Variants in HFM1 observed in about 807,000 individuals in gnomAD.
HFM1 encodes the protein helicase for meiosis 1.
A neutral mutation model predicts 192.1 loss-of-function variants in HFM1; 169 were observed. The ratio of observed to expected loss-of-function variants is 0.88; its 90% confidence interval spans 0.78 to 1.00. The LOEUF (loss-of-function observed/expected upper bound fraction) is 1.00, where lower values mean the gene tolerates loss of function less well. Ranked by LOEUF, HFM1 falls within the 50% of genes least tolerant of loss-of-function variation. The pLI is 0.00. For missense variants in HFM1, 1,661 were observed against 1,668.0 expected, an observed-to-expected ratio of 1.00 and a Z score of 0.07; for synonymous variants, 525 against 537.8, an observed-to-expected ratio of 0.98 and a Z score of 0.33.
At chr1:91,286,653 G>C (rs546754302) in intron 30 of HFM1, among the ~76,000 whole-genome samples, 14 of 152,230 alleles carry the variant, frequency 9.2e-5, no homozygotes, top group African/African-American at 3.1e-4. Flanking sequence ...CACGACCGAG[G>C]AGCCAAGATG....
At chr1:91,271,066 G>T (rs1366249571) in intron 34 of HFM1, among the ~76,000 whole-genome samples, 1 of 151,990 alleles carries the variant, frequency 6.6e-6, no homozygotes, top group African/African-American at 2.4e-5. Context: ...CTGGATCCTA[G>T]TAAGGCCGTT....
intron 30 of HFM1, among the ~76,000 whole-genome samples, chr1:91,310,861 A>G (rs1650343717): frequency 1.3e-5 from 2 of 152,228 alleles, no homozygotes; most frequent in African/African-American, 4.8e-5. Flanking sequence ...TTTCCTTCCC[A>G]GTATCAGCTA....
intron 34 of HFM1, among the ~76,000 whole-genome samples, chr1:91,268,273 A>T (rs990676071): frequency 1.3e-5 from 2 of 151,966 alleles, no homozygotes; most frequent in Non-Finnish European, 2.9e-5. Flanking sequence ...TAGTTTCTAA[A>T]ATGGTCTTCC....
intron 2 of HFM1, among the ~76,000 whole-genome samples, chr1:91,397,199 G>C (rs547132809): frequency 6.6e-6 from 1 of 152,096 alleles, no homozygotes; most frequent in African/African-American, 2.4e-5. Context: ...AATATTCTTA[G>C]TCCAAACCAT....
At chr1:91,342,159 G>T (rs375395981) in intron 20 of HFM1, among the ~76,000 whole-genome samples, 29 of 98,556 alleles carry the variant, frequency 2.9e-4, no homozygotes, top group African/African-American at 8.4e-4. Flanking sequence ...AAATTCAGGC[G>T]AATATTCCTG....
At position 91,262,314 on chromosome 1, in the gene HFM1, G is replaced by T. The variant is rs1665240661; in HGVS notation, c.4165C>A (p.Pro1389Thr). 1 of 1,524,942 alleles carries T rather than the reference G, an allele frequency of 6.6e-7. No homozygotes were observed. Among genetic ancestry groups the T allele is most frequent in the East Asian group, 2.3e-5 (1 of 43,778 alleles). 94.5% of individuals were successfully genotyped at this position (1,524,942 alleles called of 1,614,324 possible). ...KQCFTFSEKN[P>T]NSSNYKKVDF... ...ACTTTTTTATAATTTGAAGAATTTG[G>T]GTTTTTTTCAGAGAAAGTAAAGCAT... is the stretch of plus-strand genomic sequence containing the variant. Residue 1389 changes from proline (P) to threonine (T), a missense_variant, in exon 38 of 39, where the codon CCA becomes ACA. Physicochemically the swap from Pro to Thr is conservative, Grantham distance 38 (BLOSUM62 -1). Transcript: ENST00000370425.
intron 36 of HFM1, among the ~76,000 whole-genome samples, chr1:91,264,740 T>C (rs1665585107): frequency 6.6e-6 from 1 of 152,044 alleles, no homozygotes; most frequent in South Asian, 2.1e-4. Context: ...TTGTTGGTAT[T>C]TCTTCTGTTT....
chr1:91,268,697 TAAC>T (rs1375318126), intron 34 of HFM1, among the ~76,000 whole-genome samples: 1 of 152,072 alleles, frequency 6.6e-6, no homozygotes, highest in African/African-American at 2.4e-5. Flanking sequence ...GTTTTACAAA[TAAC>T]AACATATATG....
At chr1:91,311,740 G>C (rs1335053669) in intron 30 of HFM1, among the ~76,000 whole-genome samples, 1 of 152,212 alleles carries the variant, frequency 6.6e-6, no homozygotes, top group East Asian at 1.9e-4. Flanking sequence ...GTAGCAAGAA[G>C]CCTAATGTTA....
In HFM1 at chr1:91,385,667, G is replaced by C; in HGVS notation, c.662C>G (p.Thr221Arg). The C allele has an allele frequency of 1.2e-6, 2 of 1,611,224 alleles. No homozygotes were observed. The highest frequency in any genetic ancestry group is 1.7e-4 in the Middle Eastern group (1 of 6,050). The change falls in exon 5 of 39, where the codon ACA (threonine) becomes AGA (arginine). Residue 221 changes from threonine (T) to arginine (R), a missense_variant. Thr to Arg is a moderately conservative substitution (Grantham distance 71). Transcript: ENST00000370425. The part of the protein sequence containing the change: ...QKFQYSANVF[T>R]ANNAFSASEI... ...AGAAGCAGAAAAAGCATTATTTGCT[G>C]TAAACACATTTGCAGAATACTGAAA...
intron 13 of HFM1, among the ~76,000 whole-genome samples, chr1:91,366,477 C>T (rs1659327050): frequency 6.6e-6 from 1 of 152,180 alleles, no homozygotes; most frequent in South Asian, 2.1e-4. Context: ...AAGTAGAAAG[C>T]TTCAAATTGT....
chr1:91,380,129 T>A lies in HFM1; in HGVS notation c.981A>T (p.Pro327=). Residue 327 remains proline, a synonymous_variant, in exon 8 of 39, where the codon CCA becomes CCT. Coordinates refer to ENST00000370425, the MANE Select transcript of HFM1 (RefSeq NM_001017975.6). ...ITRLLMEVPL[P]WLNIKIVYMA... ...TGTAAACAATTTTAATATTCAACCA[T>A]GGCAATGGTACTTCCATTAACAATC... is the stretch of plus-strand genomic sequence containing the variant. 1 of 1,435,548 alleles carries A rather than the reference T, an allele frequency of 7.0e-7. No individual in the cohort carries two copies. The highest frequency in any genetic ancestry group is 9.6e-7 in the Non-Finnish European group (1 of 1,042,690). 88.9% of individuals were successfully genotyped at this position (1,435,548 alleles called of 1,614,324 possible).
intron 30 of HFM1, among the ~76,000 whole-genome samples, chr1:91,287,596 A>G (rs11487638): frequency 0.2 from 30,520 of 152,172 alleles, 3,480 homozygotes; most frequent in Non-Finnish European, 0.26. Context: ...GAAACTAAAA[A>G]GCAGAGCACC....
chr1:91,305,751 A>G (rs1334569030), intron 30 of HFM1, among the ~76,000 whole-genome samples: 1 of 151,606 alleles, frequency 6.6e-6, no homozygotes, highest in African/African-American at 2.4e-5. Context: ...CTATTTTTGT[A>G]AAGATGGAGT....
intron 4 of HFM1, 149 bp downstream of exon 4, chr1:91,393,944 G>A (rs1293160592): frequency 1.9e-6 from 1 of 515,304 alleles, no homozygotes; most frequent in African/African-American, 2.0e-5. Flanking sequence ...CCAGGACTAT[G>A]ACACCAGGAA....
Position 91,380,653 on chromosome 1 carries a change from C to T in HFM1, c.873+259G>A, listed in dbSNP as rs569041465. ...CCTGTAATCCCAGTTACTTGGGTGG[C>T]TGAGGCAGGAAAATCGCTTGAACCT... On this transcript the variant is annotated intron_variant, in intron 7 of 38. Transcript: ENST00000370425. Among the ~76,000 whole-genome samples, 8 of 152,262 alleles carry T rather than the reference C, an allele frequency of 5.3e-5. No homozygotes were observed. The East Asian group carries it at 9.7e-4, about 18-fold the overall frequency.
rs145322228 is a variant in HFM1, at chr1:91,272,925, G to T, written c.3772+787C>A. 7.2e-4 allele frequency among the ~76,000 whole-genome samples: 109 copies of T among 152,064 alleles called. 1 individual carries two copies. Among genetic ancestry groups the T allele is most frequent in the African/African-American group, 2.5e-3 (104 of 41,530 alleles). ...GAAGCCAATGCCAAACACATGAAAT[G>T]ATTTTCAGAAAACCCCAAGCTTACC... On this transcript the variant is annotated intron_variant, in intron 34 of 38. Coordinates refer to ENST00000370425, the MANE Select transcript of HFM1 (RefSeq NM_001017975.6).
In HFM1 at chr1:91,324,750, C is replaced by T. The variant is rs776121467; in HGVS notation, c.2352G>A (p.Met784Ile). The change falls in exon 21 of 39, where the codon ATG becomes ATA. Residue 784 changes from methionine (M) to isoleucine (I), a missense_variant. Transcript: ENST00000370425. ...TCTCAAATGTAATATAATACCAAGCCATCAATCTTCCTGCTTCTGTAAGAA... is the reference window on the plus strand; with the variant it reads ...TCTCAAATGTAATATAATACCAAGCTATCAATCTTCCTGCTTCTGTAAGAA... The part of the protein sequence containing the change: ...NFKPTEAGRL[M>I]AWYYITFETV... 6 of 1,564,324 alleles carry T rather than the reference C, an allele frequency of 3.8e-6. No homozygotes were observed. In the Admixed American group the frequency reaches 6.7e-5, roughly 17 times the overall value.
intron 6 of HFM1, 43 bp downstream of exon 6, chr1:91,385,144 T>G (rs1465955011): frequency 9.0e-6 from 10 of 1,109,660 alleles, no homozygotes; most frequent in Non-Finnish European, 1.3e-5. Context: ...AAATTATGAT[T>G]TAATAAATAC....
Sources: allele counts gnomAD v4.1 joint callset (sites outside exome capture counted in the v4.1 genomes callset), GRCh38; gene constraint gnomAD v4.1.1; transcripts MANE v1.5; gene names NCBI Gene and HGNC (gene_info 2026-07-23, HGNC 2026-07-21).